MBOAT2: variants seen among roughly 807,000 people sequenced by gnomAD.
MBOAT2 encodes membrane bound glycerophospholipid O-acyltransferase 2.
In MBOAT2, 28 loss-of-function variants were observed where a neutral mutation model predicts 63.4. The ratio of observed to expected loss-of-function variants is 0.44; its 90% CI spans 0.33 to 0.61. MBOAT2 has a LOEUF of 0.61. Among genes scored for constraint, MBOAT2 ranks in the 20% least tolerant of loss-of-function variants. The pLI, the probability that MBOAT2 is intolerant of heterozygous loss-of-function variation, is 0.03. For missense variants in MBOAT2, 470 were observed against 605.8 expected, an observed-to-expected ratio of 0.78 and a Z score of 2.35; for synonymous variants, 211 against 215.6, an observed-to-expected ratio of 0.98 and a Z score of 0.19.
At chr2:8,941,673 T>C (rs1316528613) in intron 3 of MBOAT2, among the ~76,000 whole-genome samples, 4 of 148,220 alleles carry the variant, frequency 2.7e-5, no homozygotes, top group African/African-American at 7.4e-5. Context: ...AAAAAAGAAA[T>C]GTGGCTAGTG....
At chr2:8,881,584 C>T (rs760747168) in intron 6 of MBOAT2, among the ~76,000 whole-genome samples, 58 of 152,122 alleles carry the variant, frequency 3.8e-4, no homozygotes, top group Admixed American at 2.4e-3. Flanking sequence ...GAAATGGCAG[C>T]TGAGTGTCTG....
chr2:8,925,149 A>G (rs1254236420), intron 3 of MBOAT2, among the ~76,000 whole-genome samples: 1 of 152,162 alleles, frequency 6.6e-6, no homozygotes, highest in Non-Finnish European at 1.5e-5. Context: ...AAAAGACTTC[A>G]TATCACCCCT....
intron 4 of MBOAT2, among the ~76,000 whole-genome samples, chr2:8,892,042 C>T (rs1405467665): frequency 6.6e-6 from 1 of 152,180 alleles, no homozygotes; most frequent in East Asian, 1.9e-4. Context: ...TATTCACACA[C>T]TTTTTTCTCT....
Position 8,864,165 on chromosome 2 carries a change from C to T in MBOAT2, c.1052+5G>A, listed in dbSNP as rs1221636375. ...CATCTAAAGATCGTTTTTGAAGGAA[C>T]GCACCTTTTGAGCCAAAGAGCTGTC... On this transcript the variant is annotated splice_donor_5th_base_variant and intron_variant, in intron 10 of 12. Coordinates refer to ENST00000305997, the MANE Select transcript of MBOAT2 (RefSeq NM_138799.4). The T allele has an allele frequency of 1.3e-6, 2 of 1,573,224 alleles. No individual in the cohort carries two copies. The highest frequency in any genetic ancestry group is 1.7e-6 in the Non-Finnish European group (2 of 1,163,244).
intron 3 of MBOAT2, among the ~76,000 whole-genome samples, chr2:8,920,635 T>C (rs1666503427): frequency 6.6e-6 from 1 of 152,204 alleles, no homozygotes; most frequent in East Asian, 1.9e-4. Context: ...AAATGCCATC[T>C]TAACAATGTA....
At chr2:8,947,420 G>T (rs1668492643) in intron 2 of MBOAT2, among the ~76,000 whole-genome samples, 1 of 152,180 alleles carries the variant, frequency 6.6e-6, no homozygotes, top group African/African-American at 2.4e-5. Context: ...GATGAAGGCG[G>T]CTACACTAAG....
intron 8 of MBOAT2, among the ~76,000 whole-genome samples, chr2:8,869,784 C>T (rs1356423393): frequency 1.3e-5 from 2 of 152,148 alleles, no homozygotes; most frequent in Non-Finnish European, 2.9e-5. Context: ...GGGCAGCATA[C>T]CCATAGAAAT....
At chr2:8,882,435 C>T in intron 6 of MBOAT2, 76 bp downstream of exon 6, 1 of 1,415,894 alleles carries the variant, frequency 7.1e-7, no homozygotes, top group Admixed American at 1.7e-5. Flanking sequence ...GACTAGTCAG[C>T]CTCAGCCACA....
chr2:8,897,887 T>C (rs951078462), intron 4 of MBOAT2, among the ~76,000 whole-genome samples: 1 of 152,190 alleles, frequency 6.6e-6, no homozygotes, highest in African/African-American at 2.4e-5. Context: ...GCGCCTGGTA[T>C]CTAAGTAGGC....
intron 1 of MBOAT2, among the ~76,000 whole-genome samples, chr2:8,988,847 CATA>C (rs999642319): frequency 2.6e-5 from 4 of 152,058 alleles, no homozygotes; most frequent in South Asian, 2.1e-4. Context: ...TAAACTCATG[CATA>C]ATAATATCCA....
intron 3 of MBOAT2, among the ~76,000 whole-genome samples, chr2:8,933,981 G>C (rs1390299777): frequency 6.6e-6 from 1 of 152,094 alleles, no homozygotes; most frequent in African/African-American, 2.4e-5. Flanking sequence ...CTCCAAAAGA[G>C]ACATTATATT....
In MBOAT2 at chr2:8,855,789, TGAG is replaced by T. The variant is rs1275243573; in HGVS notation, c.*2887_*2889del. 39 of 152,316 alleles carry T rather than the reference TGAG, an allele frequency of 2.6e-4. No homozygotes were observed. The allele number at this position is 152,316 out of a possible 1,614,324, so 9.4% of individuals were successfully genotyped here. A position where few individuals can be genotyped will look rare whatever the true frequency, so the allele number is the denominator to read the frequency against. On this transcript the variant is annotated 3_prime_UTR_variant, in exon 13 of 13. Transcript: ENST00000305997. ...TAGTTATTTTTGTTCATTTTTTCCCTGAGTAGTATATAATTAACCAAAAGTATA... is the reference window on the plus strand; with the variant it reads ...TAGTTATTTTTGTTCATTTTTTCCCTTAGTATATAATTAACCAAAAGTATA...
At chr2:8,938,128 G>C (rs567753212) in intron 3 of MBOAT2, among the ~76,000 whole-genome samples, 1 of 152,158 alleles carries the variant, frequency 6.6e-6, no homozygotes, top group Non-Finnish European at 1.5e-5. Context: ...CAAGGCACAC[G>C]TGTGTCTATT....
At position 8,862,103 on chromosome 2, in the gene MBOAT2, T is replaced by C. The variant is rs2148507931; in HGVS notation, c.1185+487A>G. On this transcript the variant is annotated intron_variant, in intron 11 of 12. Coordinates refer to ENST00000305997, the MANE Select transcript of MBOAT2 (RefSeq NM_138799.4). The surrounding 1 kb of genome is among the most constrained non-coding windows in gnomAD (Gnocchi z 4.3). ...CATGTCACCAACCTAATTTCTCAATTGTTTCCCCAAAATATTACTCTATGT... is the reference window on the plus strand; with the variant it reads ...CATGTCACCAACCTAATTTCTCAATCGTTTCCCCAAAATATTACTCTATGT... Among the ~76,000 whole-genome samples, 1 of 152,320 alleles carries C rather than the reference T, an allele frequency of 6.6e-6. No homozygotes were observed. Among genetic ancestry groups the C allele is most frequent in the East Asian group, 1.9e-4 (1 of 5,180 alleles).
chr2:8,914,198 G>C (rs769463365), intron 3 of MBOAT2, among the ~76,000 whole-genome samples: 5 of 152,074 alleles, frequency 3.3e-5, no homozygotes, highest in Non-Finnish European at 5.9e-5. Flanking sequence ...AGGGATAAAA[G>C]ACTACAAATA....
intron 3 of MBOAT2, among the ~76,000 whole-genome samples, chr2:8,912,429 C>T (rs1665863430): frequency 6.7e-6 from 1 of 149,754 alleles, no homozygotes; most frequent in Admixed American, 6.6e-5. Flanking sequence ...GGCCGGCCGG[C>T]CTTGAAAACC....
rs927690302 is a variant in MBOAT2 at position 8,857,972 on chromosome 2, T to G, written c.*707A>C. 7.9e-5 allele frequency: 12 copies of G among 152,654 alleles called. No individual in the cohort carries two copies. Among genetic ancestry groups the G allele is most frequent in the African/African-American group, 2.9e-4 (12 of 41,442 alleles). The allele number at this position is 152,654 out of a possible 1,614,324, so 9.5% of individuals were successfully genotyped here. On this transcript the variant is annotated 3_prime_UTR_variant, in exon 13 of 13. Coordinates refer to ENST00000305997, the MANE Select transcript of MBOAT2 (RefSeq NM_138799.4). ...TATCACATTACCAAACCTCTCATTA[T>G]GTTTTAAGAGATTCCTTCTGGAAGC...
chr2:8,860,809 A>C, intron 11 of MBOAT2, 45 bp from the exon 12 acceptor site: 3 of 1,438,740 alleles, frequency 2.1e-6, no homozygotes, highest in Non-Finnish European at 2.9e-6. Context: ...TTAAATTAAC[A>C]TTACTTATGC....
intron 6 of MBOAT2, among the ~76,000 whole-genome samples, chr2:8,880,173 A>T (rs915461015): frequency 1.3e-5 from 2 of 151,992 alleles, no homozygotes; most frequent in Non-Finnish European, 2.9e-5. Context: ...ATGGGAGAAA[A>T]TAGGGAAGCC....
Sources: gnomAD v4.1 joint callset for allele counts (sites outside exome capture counted in the v4.1 genomes callset) on GRCh38, gnomAD v4.1.1 for gene constraint, Gnocchi (gnomAD v3.1) non-coding constraint, MANE v1.5 for transcripts, NCBI Gene and HGNC (gene_info 2026-07-23, HGNC 2026-07-21) for gene names.